MAGEB1: variants seen among roughly 807,000 people sequenced by gnomAD.
The protein encoded by MAGEB1 is melanoma-associated antigen B1.
For missense variants in MAGEB1, 290 were observed against 286.7 expected, an observed-to-expected ratio of 1.01 and a Z score of -0.08; for synonymous variants, 99 against 105.7, an observed-to-expected ratio of 0.94 and a Z score of 0.39.
intron 1 of MAGEB1, among the ~76,000 whole-genome samples, chrX:30,249,805 C>G (rs1206634740): frequency 9.0e-6 from 1 of 111,167 alleles, no homozygotes; most frequent in Non-Finnish European, 1.9e-5. Context: ...CCCCAAGCCC[C>G]CAACCCCCAC....
In MAGEB1 at chrX:30,250,596, A is replaced by G; in HGVS notation, c.103A>G (p.Lys35Glu). The change falls in exon 2 of 2, where the codon AAA (lysine) becomes GAA (glutamate). Residue 35 changes from lysine to glutamate, a missense_variant. Coordinates refer to ENST00000397548, the MANE Select transcript of MAGEB1 (RefSeq NM_177404.3). ...GGTTGCTCACGCCACTGCAGCAGAG[A>G]AAGAGGAGTGCCCCTCCTCCTCTCC... is the stretch of plus-strand genomic sequence containing the variant. Reference protein sequence around the residue: ...LKVAHATAAEKEECPSSSPVL... With the variant: ...LKVAHATAAEEEECPSSSPVL... 1 of 1,207,924 alleles carries G rather than the reference A, an allele frequency of 8.3e-7. No individual in the cohort carries two copies. Among genetic ancestry groups the G allele is most frequent in the Non-Finnish European group, 1.1e-6 (1 of 893,231 alleles).
upstream of MAGEB1, among the ~76,000 whole-genome samples, chrX:30,244,615 G>A (rs1200641994): frequency 8.9e-6 from 1 of 112,130 alleles, no homozygotes; most frequent in Non-Finnish European, 1.9e-5. Flanking sequence ...TCGGGAAACT[G>A]AACATACTGC....
At position 30,251,126 on chromosome X, in the gene MAGEB1, G is replaced by T; in HGVS notation, c.633G>T (p.Lys211Asn). 1.7e-6 allele frequency: 2 copies of T among 1,210,794 alleles called. No homozygotes were observed. The highest frequency in any genetic ancestry group is 2.2e-6 in the Non-Finnish European group (2 of 894,958). The part of the protein sequence containing the change: ...LMPLLGVIFL[K>N]GNSATEEEIW... Reference sequence around the variant, plus strand: ...CTCTCCTGGGTGTGATCTTCTTAAAGGGCAACTCTGCCACCGAGGAAGAGA... The same window carrying T: ...CTCTCCTGGGTGTGATCTTCTTAAATGGCAACTCTGCCACCGAGGAAGAGA... Residue 211 changes from lysine (K) to asparagine (N), a missense_variant, in exon 2 of 2, where the codon AAG becomes AAT. By Grantham distance (94) the Lys-to-Asn change is moderately conservative. Transcript: ENST00000397548.
rs1197355197 is a variant in MAGEB1 at position 30,247,224 on chromosome X, G to A, written c.-93G>A. The A allele has an allele frequency of 9.5e-6, 1 of 105,101 alleles. No individual in the cohort carries two copies. Among genetic ancestry groups the A allele is most frequent in the Non-Finnish European group, 2.0e-5 (1 of 51,155 alleles). The allele number at this position is 105,101 out of a possible 1,213,427, so 8.7% of individuals were successfully genotyped here. A position where few individuals can be genotyped will look rare whatever the true frequency, so the allele number is the denominator to read the frequency against. On this transcript the variant is annotated 5_prime_UTR_variant, in exon 1 of 2. Coordinates refer to ENST00000397548, the MANE Select transcript of MAGEB1 (RefSeq NM_177404.3). ...TCCGCCTGGCGGATTTGGGTCAGCA[G>A]GCGGAAGTCGTCCCAGGCTGCTAGA... is the stretch of plus-strand genomic sequence containing the variant.
In MAGEB1 at chrX:30,251,893, G is replaced by A. The variant is rs1925546734; in HGVS notation, c.*356G>A. On this transcript the variant is annotated 3_prime_UTR_variant, in exon 2 of 2. Coordinates refer to ENST00000397548, the MANE Select transcript of MAGEB1 (RefSeq NM_177404.3). The stretch of plus-strand genomic sequence containing the variant: ...TGAAAGAACCTCACACAACATAATT[G>A]GAGTCTTAAAATAGAGGAAGAGTAA... 1 of 167,577 alleles carries A rather than the reference G, an allele frequency of 6.0e-6. No individual in the cohort carries two copies. The highest frequency in any genetic ancestry group is 1.4e-4 in the East Asian group (1 of 6,964). The allele number at this position is 167,577 out of a possible 1,213,427, so 13.8% of individuals were successfully genotyped here.
rs765612638 is a variant in MAGEB1, at chrX:30,250,581, G to A, written c.88G>A (p.Ala30Thr). 1.9e-5 allele frequency: 23 copies of A among 1,206,834 alleles called. No homozygotes were observed. Among genetic ancestry groups the A allele is most frequent in the Non-Finnish European group, 2.5e-5 (22 of 893,276 alleles). Residue 30 changes from alanine to threonine, a missense_variant, in exon 2 of 2, where the codon GCC (alanine) becomes ACC (threonine). Transcript: ENST00000397548. ...EETQGLKVAH[A>T]TAAEKEECPS... ...GACCCAGGGTCTCAAGGTTGCTCAC[G>A]CCACTGCAGCAGAGAAAGAGGAGTG... is the stretch of plus-strand genomic sequence containing the variant.
At position 30,251,522 on chromosome X, in the gene MAGEB1, C is replaced by G. The variant is rs758519496; in HGVS notation, c.1029C>G (p.Ser343=). 6 of 1,202,487 alleles carry G rather than the reference C, an allele frequency of 5.0e-6. No homozygotes were observed. Among genetic ancestry groups the G allele is most frequent in the African/African-American group, 1.8e-5 (1 of 57,091 alleles). Residue 343 remains serine, a synonymous_variant, in exon 2 of 2, where the codon TCC becomes TCG. Transcript: ENST00000397548. ...GTTCTAGAGCCCCATTCAGCAGGTC[C>G]TCCCACCCCATGTGAGAACTCAGGC... The part of the protein sequence containing the change: ...RARSRAPFSR[S]SHPM
rs1185363199 is a variant in MAGEB1 at position 30,250,501 on chromosome X, G to A, written c.8G>A (p.Arg3Gln). The A allele has an allele frequency of 3.7e-5, 44 of 1,179,319 alleles. No homozygotes were observed. The highest frequency in any genetic ancestry group is 4.2e-5 in the Non-Finnish European group (37 of 879,278). Residue 3 changes from arginine to glutamine, a missense_variant, in exon 2 of 2, where the codon CGG (arginine) becomes CAG (glutamine). Transcript: ENST00000397548. ...TGCCTGACCACAGCCATCATGCCTC[G>A]GGGTCAGAAGAGTAAGCTCCGTGCT... Reference protein sequence around the residue: MPRGQKSKLRARE... With the variant: MPQGQKSKLRARE...
chrX:30,245,907 CACA>C (rs1461236532), upstream of MAGEB1, among the ~76,000 whole-genome samples: 5 of 111,917 alleles, frequency 4.5e-5, no homozygotes, highest in South Asian at 3.8e-4. Flanking sequence ...TCCCTGAGAG[CACA>C]ACATCTGTCC....
chrX:30,246,630 GC>G (rs1234977552), upstream of MAGEB1, among the ~76,000 whole-genome samples: 2 of 111,985 alleles, frequency 1.8e-5, no homozygotes, highest in Non-Finnish European at 3.8e-5. Flanking sequence ...TCAATGTAGG[GC>G]TTTTAAGTGT....
chrX:30,250,749 C>A lies in MAGEB1; in HGVS notation c.256C>A (p.Gln86Lys). ...CGAATCTGACGAAGGTGCCAAATGCCAAGGTGAGGAAAATGCAAGTTTCTC... is the reference window on the plus strand; with the variant it reads ...CGAATCTGACGAAGGTGCCAAATGCAAAGGTGAGGAAAATGCAAGTTTCTC... ...CTESDEGAKC[Q>K]GEENASFSQA... Residue 86 changes from glutamine to lysine, a missense_variant, in exon 2 of 2, where the codon CAA (glutamine) becomes AAA (lysine). Coordinates refer to ENST00000397548, the MANE Select transcript of MAGEB1 (RefSeq NM_177404.3). 8.3e-7 allele frequency: 1 copy of A among 1,211,260 alleles called. No homozygotes were observed. The highest frequency in any genetic ancestry group is 3.0e-5 in the East Asian group (1 of 33,822).
upstream of MAGEB1, among the ~76,000 whole-genome samples, chrX:30,244,831 T>C (rs1925257637): frequency 9.0e-6 from 1 of 111,455 alleles, no homozygotes; most frequent in Non-Finnish European, 1.9e-5. Flanking sequence ...CTTGTCCCAG[T>C]GCAAGTGAAG....
upstream of MAGEB1, among the ~76,000 whole-genome samples, chrX:30,245,626 G>C (rs1479491922): frequency 8.9e-6 from 1 of 112,098 alleles, no homozygotes; most frequent in Non-Finnish European, 1.9e-5. Flanking sequence ...TGTGTCTCAG[G>C]TAAGAAAGAA....
Position 30,250,740 on chromosome X carries a change from G to A in MAGEB1, c.247G>A (p.Ala83Thr). Reference sequence around the variant, plus strand: ...GTCATGTACCGAATCTGACGAAGGTGCCAAATGCCAAGGTGAGGAAAATGC... The same window carrying A: ...GTCATGTACCGAATCTGACGAAGGTACCAAATGCCAAGGTGAGGAAAATGC... Reference protein sequence around the residue: ...AVSCTESDEGAKCQGEENASF... With the variant: ...AVSCTESDEGTKCQGEENASF... Residue 83 changes from alanine to threonine, a missense_variant, in exon 2 of 2, where the codon GCC becomes ACC. Physicochemically the swap from Ala to Thr is moderately conservative, Grantham distance 58 (BLOSUM62 0). Coordinates refer to ENST00000397548, the MANE Select transcript of MAGEB1 (RefSeq NM_177404.3). The A allele has an allele frequency of 8.3e-7, 1 of 1,211,086 alleles. No individual in the cohort carries two copies. The highest frequency in any genetic ancestry group is 1.1e-6 in the Non-Finnish European group (1 of 895,118).
Position 30,250,427 on chromosome X carries a change from C to T in MAGEB1, c.-60-7C>T. ...GTACTCACAGGATCTCATTCTCTCT[C>T]CTTCAGGTGCCACATCTCCTGCCTT... is the stretch of plus-strand genomic sequence containing the variant. On this transcript the variant is annotated splice_polypyrimidine_tract_variant and splice_region_variant and intron_variant, in intron 1 of 1. Coordinates refer to ENST00000397548, the MANE Select transcript of MAGEB1 (RefSeq NM_177404.3). 1.1e-6 allele frequency: 1 copy of T among 940,414 alleles called. No homozygotes were observed. Among genetic ancestry groups the T allele is most frequent in the Non-Finnish European group, 1.5e-6 (1 of 687,888 alleles). The allele number at this position is 940,414 out of a possible 1,213,427, so 77.5% of individuals were successfully genotyped here.
At chrX:30,244,301 T>C (rs1216451057), upstream of MAGEB1, 2 of 121,848 alleles carry the variant, frequency 1.6e-5, no homozygotes, top group Admixed American at 9.4e-5. Context: ...GGAAATTAAA[T>C]AGCAATACAT....
intron 1 of MAGEB1, among the ~76,000 whole-genome samples, chrX:30,247,892 C>T (rs1302515205): frequency 2.1e-5 from 2 of 96,285 alleles, no homozygotes; most frequent in African/African-American, 7.6e-5. Flanking sequence ...TACAGTGAGC[C>T]GAGATTGCAC....
intron 1 of MAGEB1, among the ~76,000 whole-genome samples, chrX:30,248,160 G>A (rs985309584): frequency 2.7e-5 from 3 of 110,258 alleles, no homozygotes; most frequent in African/African-American, 9.9e-5. Flanking sequence ...AGGAAATGGC[G>A]GCTACTCTAT....
At chrX:30,244,997 A>AT (rs754193945), upstream of MAGEB1, among the ~76,000 whole-genome samples, 3 of 111,661 alleles carry the variant, frequency 2.7e-5, no homozygotes, top group Admixed American at 2.8e-4. Flanking sequence ...ATTAAAAGGA[A>AT]TTTTTTTTCC....
Sources: gnomAD v4.1 joint callset for allele counts (sites outside exome capture counted in the v4.1 genomes callset) on GRCh38, gnomAD v4.1.1 for gene constraint, MANE v1.5 for transcripts, NCBI Gene and HGNC (gene_info 2026-07-23, HGNC 2026-07-21) for gene names.